The following ITIH2 variants were observed in gnomAD, a reference collection of about 807,000 sequenced individuals.
ITIH2 encodes the protein inter-alpha-trypsin inhibitor heavy chain H2.
Under a neutral mutation model 104.4 loss-of-function variants are expected in ITIH2, and 103 were observed. The ratio of observed to expected loss-of-function variants is 0.99; its 90% CI spans 0.84 to 1.16. The LOEUF (loss-of-function observed/expected upper bound fraction) is 1.16, where lower values mean the gene tolerates loss of function less well. Ranked by LOEUF, ITIH2 falls within the 50% of genes most tolerant of loss-of-function variation. The pLI, the probability that ITIH2 is intolerant of heterozygous loss-of-function variation, is 0.00. For synonymous variants in ITIH2, 436 were observed against 435.4 expected, an observed-to-expected ratio of 1.00 and a Z score of -0.02; for missense variants, 1,108 against 1,162.4, an observed-to-expected ratio of 0.95 and a Z score of 0.68.
intron 20 of ITIH2, 89 bp downstream of exon 20, chr10:7,746,793 C>A: frequency 1.3e-6 from 1 of 766,514 alleles, no homozygotes; most frequent in South Asian, 1.5e-5. Flanking sequence ...GAAGAAGTGT[C>A]GTAGGCACTA....
At chr10:7,732,052 C>T in intron 13 of ITIH2, 56 bp downstream of exon 13, 1 of 1,353,374 alleles carries the variant, frequency 7.4e-7, no homozygotes, top group Non-Finnish European at 1.0e-6. Flanking sequence ...GATACAGTCC[C>T]TCTTGAATGT....
chr10:7,726,763 A>G lies in ITIH2; in HGVS notation c.985-187A>G, dbSNP rs112841223. 9.7e-3 allele frequency among the ~76,000 whole-genome samples: 1,484 copies of G among 152,350 alleles called. 24 individuals carry two copies. The highest frequency in any genetic ancestry group is 0.034 in the African/African-American group (1,427 of 41,574). ...AGATAGTAAAATTATCAAAAAGCCA[A>G]CAGTACATGCCCAGAATAAATAAGG... On this transcript the variant is annotated intron_variant, in intron 9 of 20. Coordinates refer to ENST00000358415, the MANE Select transcript of ITIH2 (RefSeq NM_002216.3).
At chr10:7,727,579 A>G (rs1223092389) in intron 10 of ITIH2, 124 bp from the exon 11 acceptor site, 8 of 1,145,074 alleles carry the variant, frequency 7.0e-6, no homozygotes, top group Non-Finnish European at 1.0e-5. Flanking sequence ...AAGCAATGAA[A>G]TGATTTTGGC....
At chr10:7,743,377 A>T in intron 17 of ITIH2, 118 bp downstream of exon 17, 1 of 596,234 alleles carries the variant, frequency 1.7e-6, no homozygotes, top group African/African-American at 2.0e-5. Context: ...CAGTGATATT[A>T]GTGAGAAATT....
At chr10:7,736,897 G>A (rs1028627497) in intron 15 of ITIH2, among the ~76,000 whole-genome samples, 1 of 152,104 alleles carries the variant, frequency 6.6e-6, no homozygotes, top group Admixed American at 6.6e-5. Flanking sequence ...TCAGTTACTC[G>A]CTTATCTGAA....
At chr10:7,728,568 T>TC (rs1208776137) in intron 11 of ITIH2, among the ~76,000 whole-genome samples, 1 of 151,738 alleles carries the variant, frequency 6.6e-6, no homozygotes, top group African/African-American at 2.4e-5. Context: ...TTTCTTTCTT[T>TC]TTTTTTTTGG....
intron 8 of ITIH2, among the ~76,000 whole-genome samples, chr10:7,722,588 G>C (rs529006764): frequency 6.6e-6 from 1 of 152,066 alleles, no homozygotes; most frequent in Non-Finnish European, 1.5e-5. Context: ...ACCACATATG[G>C]AGCCCCAAAT....
intron 20 of ITIH2, among the ~76,000 whole-genome samples, chr10:7,748,090 T>TCC (rs1238064806): frequency 1.4e-5 from 2 of 147,298 alleles, no homozygotes; most frequent in African/African-American, 5.0e-5. Flanking sequence ...GCGCCTGTAT[T>TCC]CCCAGCTACT....
At position 7,732,585 on chromosome 10, in the gene ITIH2, A is replaced by G. The variant is rs1468360861; in HGVS notation, c.1787+108A>G. 4.3e-6 allele frequency: 5 copies of G among 1,169,766 alleles called. No homozygotes were observed. In the East Asian group the frequency reaches 9.8e-5, roughly 23 times the overall value. 72.5% of individuals were successfully genotyped at this position (1,169,766 alleles called of 1,614,324 possible). A position where few individuals can be genotyped will look rare whatever the true frequency, so the allele number is the denominator to read the frequency against. On this transcript the variant is annotated intron_variant, in intron 14 of 20. Transcript: ENST00000358415. The stretch of plus-strand genomic sequence containing the variant: ...AGTTTGGAAGCAAGAAAGACAGCAC[A>G]TTAGCACAGGCTTGGATTATTACCT...
At chr10:7,709,223 T>C (rs1307270763) in intron 4 of ITIH2, 32 bp downstream of exon 4, 4 of 1,593,402 alleles carry the variant, frequency 2.5e-6, no homozygotes, top group South Asian at 2.2e-5. Flanking sequence ...CCAGAAATTG[T>C]AGGTGCTCTA....
chr10:7,729,958 T>C lies in ITIH2; in HGVS notation c.1286T>C (p.Leu429Pro). ...VSDGDPTVGE[L>P]KLSKIQKNVK... is the part of the protein sequence containing the mutation. Reference sequence around the variant, plus strand: ...CGGACATCACCAACTTTAGGCGAACTAAAACTGTCAAAAATTCAGAAAAAC... The same window carrying C: ...CGGACATCACCAACTTTAGGCGAACCAAAACTGTCAAAAATTCAGAAAAAC... Residue 429 changes from leucine to proline, a missense_variant, in exon 12 of 21, where the codon CTA becomes CCA. Transcript: ENST00000358415. 1.3e-6 allele frequency: 2 copies of C among 1,599,596 alleles called. No individual in the cohort carries two copies. Among genetic ancestry groups the C allele is most frequent in the Non-Finnish European group, 8.5e-7 (1 of 1,174,488 alleles).
intron 14 of ITIH2, among the ~76,000 whole-genome samples, 192 bp from the exon 15 acceptor site, chr10:7,734,730 A>G (rs1835036296): frequency 6.6e-6 from 1 of 152,158 alleles, no homozygotes; most frequent in Non-Finnish European, 1.5e-5. Context: ...TAAATAAATA[A>G]TGCCTTGGGA....
intron 20 of ITIH2, among the ~76,000 whole-genome samples, chr10:7,747,339 T>C (rs1217435936): frequency 6.6e-6 from 1 of 152,216 alleles, no homozygotes; most frequent in African/African-American, 2.4e-5. Context: ...AAAGGATTCT[T>C]CACGCCCACA....
intron 4 of ITIH2, among the ~76,000 whole-genome samples, chr10:7,712,017 G>T (rs147617385): frequency 9.8e-4 from 149 of 152,300 alleles, no homozygotes; most frequent in African/African-American, 3.4e-3. Context: ...CCCCAAGGGA[G>T]ATGGTTTCCA....
intron 19 of ITIH2, among the ~76,000 whole-genome samples, chr10:7,745,677 T>A (rs1319359583): frequency 6.6e-6 from 1 of 151,788 alleles, no homozygotes; most frequent in East Asian, 2.0e-4. Context: ...GCCCCGGAAT[T>A]GGAGGCTGCA....
Position 7,738,624 on chromosome 10 carries a change from C to A in ITIH2, c.1961C>A (p.Ala654Asp), listed in dbSNP as rs184798502. Residue 654 changes from alanine (A) to aspartate (D), a missense_variant, in exon 16 of 21, where the codon GCC becomes GAC. By Grantham distance (126) the Ala-to-Asp change is moderately radical. Coordinates refer to ENST00000358415, the MANE Select transcript of ITIH2 (RefSeq NM_002216.3). The part of the protein sequence containing the change: ...PPQDPSCCSG[A>D]LYYGSKVVPD... ...AGATGCAGGTTTGTCTACGCAGGGG[C>A]CCTGTATTACGGCAGCAAAGTGGTT... The A allele has an allele frequency of 3.7e-6, 6 of 1,613,712 alleles. No homozygotes were observed. The Admixed American group carries it at 8.3e-5, about 22-fold the overall frequency.
At chr10:7,746,805 C>G in intron 20 of ITIH2, 101 bp downstream of exon 20, 1 of 697,030 alleles carries the variant, frequency 1.4e-6, no homozygotes, top group Middle Eastern at 2.4e-4. Flanking sequence ...TAGGCACTAC[C>G]TACATCACAC....
At chr10:7,733,060 G>A (rs531172490) in intron 14 of ITIH2, among the ~76,000 whole-genome samples, 66 of 151,692 alleles carry the variant, frequency 4.4e-4, no homozygotes, top group Middle Eastern at 3.4e-3. Flanking sequence ...CCATTCAATG[G>A]ATTTTTATAT....
At chr10:7,732,506 A>G (rs772000317) in intron 14 of ITIH2, 29 bp downstream of exon 14, 2 of 1,597,494 alleles carry the variant, frequency 1.3e-6, no homozygotes, top group South Asian at 2.2e-5. Context: ...CCACACCACG[A>G]GATCTGCAAA....
Sources: gnomAD v4.1 joint callset for allele counts (sites outside exome capture counted in the v4.1 genomes callset) on GRCh38, gnomAD v4.1.1 for gene constraint, MANE v1.5 for transcripts, NCBI Gene and HGNC (gene_info 2026-07-23, HGNC 2026-07-21) for gene names.